Variants in MYO10 observed in about 807,000 individuals in gnomAD.
The protein encoded by MYO10 is myosin X, also known as unconventional myosin-X.
Under a neutral mutation model 257.3 loss-of-function variants are expected in MYO10, and 133 were observed. The observed-to-expected ratio is 0.52, with a 90% CI of 0.45 to 0.60. The LOEUF (loss-of-function observed/expected upper bound fraction) is 0.60. Among genes scored for constraint, MYO10 ranks in the 20% least tolerant of loss-of-function variants. The probability of loss-of-function intolerance (pLI) is 0.00; values close to 1 mark genes in which losing one functional copy is unlikely to be tolerated. For missense variants in MYO10, 2,399 were observed against 2,635.7 expected (o/e 0.91, Z 1.97); for synonymous variants, 1,104 against 1,028.6 (o/e 1.07, Z -1.40).
intron 2 of MYO10, among the ~76,000 whole-genome samples, chr5:16,839,605 C>T (rs1007625758): frequency 1.3e-5 from 2 of 151,910 alleles, no homozygotes; most frequent in African/African-American, 2.4e-5. Context: ...TAGCCAGGCA[C>T]GGTGGCGTAT....
intron 30 of MYO10, 67 bp from the exon 31 acceptor site, chr5:16,682,080 C>T (rs529974232): frequency 5.2e-6 from 8 of 1,548,562 alleles, no homozygotes; most frequent in Admixed American, 1.8e-5. Context: ...TCTGTGTGAA[C>T]CGAGACTCAG....
intron 3 of MYO10, among the ~76,000 whole-genome samples, chr5:16,800,548 T>A (rs932015117): frequency 6.6e-6 from 1 of 152,214 alleles, no homozygotes; most frequent in Non-Finnish European, 1.5e-5. Flanking sequence ...GAACCTGATT[T>A]CATCTTTTCT....
chr5:16,800,468 A>C (rs1428741398), intron 3 of MYO10, among the ~76,000 whole-genome samples: 2 of 152,190 alleles, frequency 1.3e-5, no homozygotes, highest in African/African-American at 4.8e-5. Context: ...GAAAGCCTTG[A>C]TTGTTCCCGT....
At chr5:16,824,979 C>T (rs571839816) in intron 2 of MYO10, among the ~76,000 whole-genome samples, 1 of 152,266 alleles carries the variant, frequency 6.6e-6, no homozygotes, top group East Asian at 1.9e-4. Context: ...ATATTATATT[C>T]ATTCGTTTTT....
At chr5:16,788,414 TG>T (rs1655208235) in intron 4 of MYO10, among the ~76,000 whole-genome samples, 1 of 152,168 alleles carries the variant, frequency 6.6e-6, no homozygotes, top group South Asian at 2.1e-4. Flanking sequence ...CTTTACCGTG[TG>T]TAAGTTTACC....
intron 25 of MYO10, among the ~76,000 whole-genome samples, chr5:16,700,368 A>G (rs367696433): frequency 6.6e-6 from 1 of 152,092 alleles, no homozygotes; most frequent in Non-Finnish European, 1.5e-5. Flanking sequence ...AAAATAAACA[A>G]AAGTTCCATT....
At chr5:16,922,691 G>A (rs1000309071) in intron 1 of MYO10, among the ~76,000 whole-genome samples, 4 of 152,134 alleles carry the variant, frequency 2.6e-5, no homozygotes, top group African/African-American at 4.8e-5. Context: ...TTGTAGTTTC[G>A]TTTCTGAGAA....
intron 19 of MYO10, among the ~76,000 whole-genome samples, chr5:16,718,347 G>A (rs375983451): frequency 1.3e-5 from 2 of 152,176 alleles, no homozygotes; most frequent in African/African-American, 2.4e-5. Flanking sequence ...AGCGCACGGC[G>A]CAGGACTGGC....
rs1007836895 is a variant in MYO10, at chr5:16,663,196, G to A, written c.*3496C>T. The A allele has an allele frequency of 1.3e-5, 2 of 152,088 alleles. No homozygotes were observed. The highest frequency in any genetic ancestry group is 4.8e-5 in the African/African-American group (2 of 41,408). The allele number at this position is 152,088 out of a possible 1,614,324, so 9.4% of individuals were successfully genotyped here. A position where few individuals can be genotyped will look rare whatever the true frequency, so the allele number is the denominator to read the frequency against. ...AGGATGGGGATATATATGTATGTAT[G>A]AGTAAATGATTGGACAGCTTAAATT... is the stretch of plus-strand genomic sequence containing the variant. On this transcript the variant is annotated 3_prime_UTR_variant, in exon 41 of 41. Transcript: ENST00000513610.
chr5:16,902,411 A>C, intron 1 of MYO10: 1 of 1,207,784 alleles, frequency 8.3e-7, no homozygotes, highest in Non-Finnish European at 1.2e-6. Context: ...TGAGAACTGC[A>C]CAACTCAGAC....
chr5:16,896,874 C>T (rs1285721420), intron 1 of MYO10, among the ~76,000 whole-genome samples: 6 of 151,954 alleles, frequency 3.9e-5, no homozygotes, highest in South Asian at 2.1e-4. Context: ...TTCATCAATT[C>T]GGTGATTCTC....
chr5:16,834,178 T>A (rs575318579), intron 2 of MYO10, among the ~76,000 whole-genome samples: 1 of 152,090 alleles, frequency 6.6e-6, no homozygotes, highest in South Asian at 2.1e-4. Context: ...CCCCACCACA[T>A]CTAGTCTGAG....
At chr5:16,889,478 AGAAGGAAGGAAG>A (rs151266743) in intron 1 of MYO10, among the ~76,000 whole-genome samples, 3,966 of 131,924 alleles carry the variant, frequency 0.03, 86 homozygotes, top group Admixed American at 0.051. Context: ...AAGAAAAGAA[AGAAGGAAGGAAG>A]GAAGGAAGGA....
intron 1 of MYO10, among the ~76,000 whole-genome samples, chr5:16,910,828 C>T (rs1424781213): frequency 6.6e-6 from 1 of 152,148 alleles, no homozygotes; most frequent in African/African-American, 2.4e-5. Flanking sequence ...CTAGAACCTT[C>T]CCATTTATGC....
In MYO10 at chr5:16,701,982, A is replaced by G. The variant is rs1738103318; in HGVS notation, c.2557-144T>C. 19 of 904,102 alleles carry G rather than the reference A, an allele frequency of 2.1e-5. No individual in the cohort carries two copies. In the Admixed American group the frequency reaches 2.7e-4, roughly 13 times the overall value. The allele number at this position is 904,102 out of a possible 1,614,324, so 56.0% of individuals were successfully genotyped here. ...TCTATAGGTTGAAGTCCTAACCCCA[A>G]TACTGCAGAATGTGACTGCATTTGG... On this transcript the variant is annotated intron_variant, in intron 24 of 40. Transcript: ENST00000513610. This position sits in a 1 kb window ranked among gnomAD's most constrained non-coding sequence, Gnocchi z 8.1.
At chr5:16,766,668 C>T (rs1451310490) in intron 10 of MYO10, among the ~76,000 whole-genome samples, 8 of 151,990 alleles carry the variant, frequency 5.3e-5, no homozygotes, top group Non-Finnish European at 7.4e-5. Flanking sequence ...TTGACCTCCA[C>T]GTTGGCCAGG....
chr5:16,685,938 T>G (rs1737234779), intron 28 of MYO10, 107 bp from the exon 29 acceptor site: 1 of 790,190 alleles, frequency 1.3e-6, no homozygotes, highest in Non-Finnish European at 2.1e-6. Flanking sequence ...TAAGCACCTT[T>G]GCTTTTAATT....
chr5:16,787,325 G>A (rs1435446161), intron 4 of MYO10, among the ~76,000 whole-genome samples: 1 of 152,072 alleles, frequency 6.6e-6, no homozygotes, highest in African/African-American at 2.4e-5. Flanking sequence ...AAACAACAGG[G>A]CAAAGAAGAA....
chr5:16,893,213 A>AAAAAAAAAAAAAC (rs1745117895), intron 1 of MYO10, among the ~76,000 whole-genome samples: 1 of 150,026 alleles, frequency 6.7e-6, no homozygotes, highest in Non-Finnish European at 1.5e-5. Flanking sequence ...AAAAAAAAAA[A>AAAAAAAAAAAAAC]AAGAACTTAC....
Sources: gnomAD v4.1 joint callset for allele counts (sites outside exome capture counted in the v4.1 genomes callset) on GRCh38, gnomAD v4.1.1 for gene constraint, Gnocchi (gnomAD v3.1) non-coding constraint, MANE v1.5 for transcripts, NCBI Gene and HGNC (gene_info 2026-07-23, HGNC 2026-07-21) for gene names.